Variants in VEGFC observed in about 807,000 individuals in gnomAD.
The protein encoded by VEGFC is FLT4 ligand DHM.
Under a neutral mutation model 46.1 loss-of-function variants are expected in VEGFC, and 12 were observed. The ratio of observed to expected loss-of-function variants is 0.26; its 90% CI spans 0.17 to 0.42. VEGFC has a LOEUF of 0.42. Among genes scored for constraint, VEGFC ranks in the 10% least tolerant of loss-of-function variants. The probability of loss-of-function intolerance (pLI) is 1.00; values close to 1 mark genes in which losing one functional copy is unlikely to be tolerated. For synonymous variants in VEGFC, 232 were observed against 195.5 expected, an observed-to-expected ratio of 1.19 and a Z score of -1.56; for missense variants, 488 against 529.4, an observed-to-expected ratio of 0.92 and a Z score of 0.77.
At chr4:176,778,962 C>T (rs1309908947) in intron 1 of VEGFC, among the ~76,000 whole-genome samples, 1 of 152,132 alleles carries the variant, frequency 6.6e-6, no homozygotes, top group Non-Finnish European at 1.5e-5. Context: ...CCTTCTGCCC[C>T]CACCACCAAT....
At chr4:176,722,999 A>T (rs1471564844) in intron 3 of VEGFC, among the ~76,000 whole-genome samples, 1 of 152,178 alleles carries the variant, frequency 6.6e-6, no homozygotes, top group Non-Finnish European at 1.5e-5. Flanking sequence ...GGTTAATAGA[A>T]GACTAAATTT....
At chr4:176,774,456 T>C (rs2110932730) in intron 1 of VEGFC, among the ~76,000 whole-genome samples, 1 of 152,304 alleles carries the variant, frequency 6.6e-6, no homozygotes, top group South Asian at 2.1e-4. Context: ...TATTATTTCG[T>C]TATGCTAATT....
chr4:176,727,136 G>A (rs1169576617), intron 3 of VEGFC, among the ~76,000 whole-genome samples: 4 of 152,182 alleles, frequency 2.6e-5, no homozygotes, highest in Admixed American at 6.5e-5. Flanking sequence ...CCCACAAAGC[G>A]GGTTTATGTG....
chr4:176,720,267 T>C (rs1033062669), intron 3 of VEGFC, among the ~76,000 whole-genome samples: 2 of 152,072 alleles, frequency 1.3e-5, no homozygotes, highest in Admixed American at 1.3e-4. Flanking sequence ...TCAAATGACA[T>C]TTATCAGAAT....
At chr4:176,780,683 T>C (rs1207277057) in intron 1 of VEGFC, among the ~76,000 whole-genome samples, 1 of 152,164 alleles carries the variant, frequency 6.6e-6, no homozygotes, top group Non-Finnish European at 1.5e-5. Flanking sequence ...ATACATTTAA[T>C]TAGGAAAATA....
chr4:176,728,847 T>C (rs1428146803), intron 2 of VEGFC, among the ~76,000 whole-genome samples: 1 of 152,164 alleles, frequency 6.6e-6, no homozygotes, highest in African/African-American at 2.4e-5. Flanking sequence ...GGCAAATATG[T>C]TTTTAAATTA....
intron 3 of VEGFC, among the ~76,000 whole-genome samples, chr4:176,723,153 C>T (rs1157894289): frequency 1.3e-5 from 2 of 152,152 alleles, no homozygotes; most frequent in East Asian, 3.9e-4. Flanking sequence ...ATAATGTTGG[C>T]TTTTGCTCAT....
rs759603134 is a variant in VEGFC at position 176,727,946 on chromosome 4, C to G, written c.384G>C (p.Lys128Asn). The change falls in exon 3 of 7, where the codon AAG (lysine) becomes AAC (asparagine). Residue 128 changes from lysine to asparagine, a missense_variant. Physicochemically the swap from Lys to Asn is moderately conservative, Grantham distance 94. Coordinates refer to ENST00000618562, the MANE Select transcript of VEGFC (RefSeq NM_005429.5). ...ILKSIDNEWRKTQCMPREVCI... is the reference protein window; with the variant it reads ...ILKSIDNEWRNTQCMPREVCI... ...ACACCTCCCGTGGCATGCATTGAGT[C>G]TTTCTCCACTCATTATCAATACCTG... 6.2e-7 allele frequency: 1 copy of G among 1,611,156 alleles called. No homozygotes were observed. The highest frequency in any genetic ancestry group is 2.2e-5 in the East Asian group (1 of 44,788).
chr4:176,722,488 G>GTTTTTTTTTTTGTTTTTTTTTTTT (rs138526102), intron 3 of VEGFC, among the ~76,000 whole-genome samples: 1 of 134,980 alleles, frequency 7.4e-6, no homozygotes. Context: ...TTTTTCTTTT[G>GTTTTTTTTTTTGTTTTTTTTTTTT]TTTTTTTTTT....
chr4:176,724,179 T>C (rs1346874069), intron 3 of VEGFC, among the ~76,000 whole-genome samples: 5 of 152,258 alleles, frequency 3.3e-5, no homozygotes, highest in Non-Finnish European at 5.9e-5. Context: ...TAATCAGCTA[T>C]TTTATTATTA....
chr4:176,777,706 G>C (rs1455173063), intron 1 of VEGFC, among the ~76,000 whole-genome samples: 1 of 149,194 alleles, frequency 6.7e-6, no homozygotes, highest in African/African-American at 2.6e-5. Context: ...CGGATCACAA[G>C]GTCAGGAGAT....
chr4:176,792,215 C>G lies in VEGFC; in HGVS notation c.97G>C (p.Glu33Gln), dbSNP rs1327055032. 1.3e-6 allele frequency: 2 copies of G among 1,563,570 alleles called. No individual in the cohort carries two copies. Among genetic ancestry groups the G allele is most frequent in the African/African-American group, 1.4e-5 (1 of 70,642 alleles). Residue 33 changes from glutamate (E) to glutamine (Q), a missense_variant, in exon 1 of 7, where the codon GAG becomes CAG. Physicochemically the swap from Glu to Gln is conservative, Grantham distance 29. Coordinates refer to ENST00000618562, the MANE Select transcript of VEGFC (RefSeq NM_005429.5). This position sits in a 1 kb window ranked among gnomAD's most constrained non-coding sequence, Gnocchi z 6.3. ...GCGTCCGAGAGGTCGAGTCCGGACT[C>G]GAAGGCGGCGGCGGCGGCGGGCGCC... is the stretch of plus-strand genomic sequence containing the variant. ...REAPAAAAAF[E>Q]SGLDLSDAEP...
At chr4:176,791,596 T>A (rs1487650218) in intron 1 of VEGFC, among the ~76,000 whole-genome samples, 1 of 150,518 alleles carries the variant, frequency 6.6e-6, no homozygotes, top group Non-Finnish European at 1.5e-5. Flanking sequence ...TAACTGACTC[T>A]AATCTCCCGT....
chr4:176,731,403 T>C (rs578182022), intron 1 of VEGFC, among the ~76,000 whole-genome samples: 1 of 152,162 alleles, frequency 6.6e-6, no homozygotes, highest in East Asian at 1.9e-4. Flanking sequence ...CATTTCACAA[T>C]GTACATGTAC....
chr4:176,710,832 C>T (rs948617229), intron 4 of VEGFC, among the ~76,000 whole-genome samples: 2 of 151,894 alleles, frequency 1.3e-5, no homozygotes, highest in African/African-American at 2.4e-5. Context: ...ATAAGTTCTC[C>T]TATATGATCA....
chr4:176,730,387 A>T (rs886685853), intron 1 of VEGFC, among the ~76,000 whole-genome samples: 1 of 152,176 alleles, frequency 6.6e-6, no homozygotes, highest in Non-Finnish European at 1.5e-5. Context: ...AACTGCATAC[A>T]TAAGTATACT....
chr4:176,701,346 T>G (rs1734428961), intron 4 of VEGFC, among the ~76,000 whole-genome samples: 1 of 152,248 alleles, frequency 6.6e-6, no homozygotes, highest in Admixed American at 6.5e-5. Flanking sequence ...TGAATGTAAC[T>G]TTAAACTTTA....
Position 176,790,279 on chromosome 4 carries a change from G to C in VEGFC, c.147+1886C>G, listed in dbSNP as rs566664583. On this transcript the variant is annotated intron_variant, in intron 1 of 6. Transcript: ENST00000618562. ...GATGATGTTTCATATGGGAAATGAT[G>C]TTTCATCACATAGGAAAGGAACCCA... Among the ~76,000 whole-genome samples the C allele has an allele frequency of 1.1e-3, 169 of 152,258 alleles. 2 individuals carry two copies. Among genetic ancestry groups the C allele is most frequent in the African/African-American group, 4.0e-3 (166 of 41,558 alleles).
chr4:176,758,007 G>GA (rs1315199230), intron 1 of VEGFC, among the ~76,000 whole-genome samples: 2 of 151,944 alleles, frequency 1.3e-5, no homozygotes, highest in Non-Finnish European at 2.9e-5. Flanking sequence ...TCATAAATCT[G>GA]AAATTATGTA....
Sources: allele counts gnomAD v4.1 joint callset (sites outside exome capture counted in the v4.1 genomes callset), GRCh38; gene constraint gnomAD v4.1.1; non-coding constraint Gnocchi (gnomAD v3.1); transcripts MANE v1.5; gene names NCBI Gene and HGNC (gene_info 2026-07-23, HGNC 2026-07-21).